Variants in FRMD6 observed in about 807,000 individuals in gnomAD.
The protein encoded by FRMD6 is FERM domain-containing protein 6.
A neutral mutation model predicts 73.2 loss-of-function variants in FRMD6; 37 were observed. That is an observed-to-expected ratio of 0.51 (90% CI 0.39 to 0.66). FRMD6 has a LOEUF of 0.66. FRMD6 is among the 30% of genes least tolerant of loss of function. The pLI is 0.00. For missense variants in FRMD6, 714 were observed against 780.5 expected, an observed-to-expected ratio of 0.91 and a Z score of 1.02; for synonymous variants, 273 against 282.2, an observed-to-expected ratio of 0.97 and a Z score of 0.33.
chr14:51,645,547 A>G (rs567397682), intron 2 of FRMD6, among the ~76,000 whole-genome samples: 22 of 152,252 alleles, frequency 1.4e-4, no homozygotes, highest in Middle Eastern at 3.4e-3. Context: ...CTCCACCTCA[A>G]GTGAACCTCC....
chr14:51,425,030 T>G, the FRMD6 span, among the ~76,000 whole-genome samples: 1 of 152,190 alleles, frequency 6.6e-6, no homozygotes. Flanking sequence ...TTCCGGGTCA[T>G]GGTTCTTTAC....
intron 1 of FRMD6, among the ~76,000 whole-genome samples, chr14:51,513,139 G>A (rs1178389006): frequency 6.6e-6 from 1 of 152,154 alleles, no homozygotes; most frequent in East Asian, 1.9e-4. Flanking sequence ...ATCTACATCA[G>A]AATCACAGGA....
chr14:51,662,332 G>C (rs1479378602), intron 1 of FRMD6, among the ~76,000 whole-genome samples: 1 of 151,858 alleles, frequency 6.6e-6, no homozygotes, highest in African/African-American at 2.4e-5. Flanking sequence ...AAAAAAAAGA[G>C]CTTGAATAGC....
intron 2 of FRMD6, among the ~76,000 whole-genome samples, chr14:51,596,178 C>T (rs1351398016): frequency 6.6e-6 from 1 of 152,038 alleles, no homozygotes; most frequent in Non-Finnish European, 1.5e-5. Flanking sequence ...CAGTAATTCT[C>T]AACCCATGCT....
chr14:51,615,552 C>T (rs988913756), intron 2 of FRMD6, among the ~76,000 whole-genome samples: 3 of 152,152 alleles, frequency 2.0e-5, no homozygotes, highest in Non-Finnish European at 4.4e-5. Context: ...TCACTCACAG[C>T]CAGTTAGACC....
intron 1 of FRMD6, among the ~76,000 whole-genome samples, chr14:51,530,213 C>A (rs1034392555): frequency 6.6e-6 from 1 of 152,204 alleles, no homozygotes; most frequent in Admixed American, 6.5e-5. Context: ...TCGATTCTGT[C>A]TGTATGGTGG....
intron 1 of FRMD6, among the ~76,000 whole-genome samples, chr14:51,664,538 T>C (rs1463523190): frequency 6.6e-6 from 1 of 152,218 alleles, no homozygotes; most frequent in Non-Finnish European, 1.5e-5. Flanking sequence ...TCAGAGTGGT[T>C]GGTAGAATGA....
the FRMD6 span, among the ~76,000 whole-genome samples, chr14:51,428,073 G>A: frequency 6.6e-6 from 1 of 152,160 alleles, no homozygotes; most frequent in African/African-American, 2.4e-5. Context: ...TGGGCTGTGG[G>A]AAGAATCTAC....
At chr14:51,596,107 C>A (rs1889699861) in intron 2 of FRMD6, among the ~76,000 whole-genome samples, 1 of 152,178 alleles carries the variant, frequency 6.6e-6, no homozygotes, top group South Asian at 2.1e-4. Context: ...TAAAAAGCAG[C>A]AACAGCAAAA....
At chr14:51,555,132 TC>T (rs746114518) in intron 1 of FRMD6, among the ~76,000 whole-genome samples, 1 of 152,186 alleles carries the variant, frequency 6.6e-6, no homozygotes, top group Non-Finnish European at 1.5e-5. Flanking sequence ...AAAACAGGCA[TC>T]ATTTTACCAA....
chr14:51,467,174 G>C, the FRMD6 span, among the ~76,000 whole-genome samples: 11 of 152,254 alleles, frequency 7.2e-5, no homozygotes, highest in East Asian at 9.7e-4. Flanking sequence ...TGACTCTTAA[G>C]GAGCATGCTG....
At chr14:51,415,470 T>C in the FRMD6 span, among the ~76,000 whole-genome samples, 1 of 152,248 alleles carries the variant, frequency 6.6e-6, no homozygotes, top group African/African-American at 2.4e-5. Flanking sequence ...GATTTGCATA[T>C]GTTGAACCAG....
chr14:51,695,169 C>T (rs1566572203), intron 2 of FRMD6, among the ~76,000 whole-genome samples: 1 of 148,460 alleles, frequency 6.7e-6, no homozygotes, highest in Non-Finnish European at 1.5e-5. Flanking sequence ...TTGTACCCAA[C>T]GTTTTTAAAT....
the FRMD6 span, among the ~76,000 whole-genome samples, chr14:51,442,643 C>T: frequency 6.6e-6 from 1 of 152,288 alleles, no homozygotes; most frequent in Admixed American, 6.5e-5. Context: ...AGGGCAGAAA[C>T]TATGCCTTTT....
At chr14:51,455,525 T>A in the FRMD6 span, among the ~76,000 whole-genome samples, 2 of 152,252 alleles carry the variant, frequency 1.3e-5, no homozygotes, top group Non-Finnish European at 2.9e-5. Flanking sequence ...AAATATATAG[T>A]TGTCAGTGTT....
At chr14:51,432,378 T>A in the FRMD6 span, among the ~76,000 whole-genome samples, 3 of 152,298 alleles carry the variant, frequency 2.0e-5, no homozygotes, top group Middle Eastern at 3.4e-3. Context: ...TTAATTCAAC[T>A]GAAACTCAGG....
chr14:51,586,536 T>G (rs1383121112), intron 2 of FRMD6, among the ~76,000 whole-genome samples: 1 of 152,166 alleles, frequency 6.6e-6, no homozygotes, highest in Non-Finnish European at 1.5e-5. Context: ...CCGTCTACTC[T>G]CTTGATTGTT....
chr14:51,629,539 CTT>C (rs1423723614), intron 2 of FRMD6, among the ~76,000 whole-genome samples: 1 of 152,194 alleles, frequency 6.6e-6, no homozygotes, highest in East Asian at 1.9e-4. Context: ...TTGTCTGTCT[CTT>C]TAATTATACT....
At chr14:51,709,132 G>T (rs1224963670) in intron 7 of FRMD6, among the ~76,000 whole-genome samples, 1 of 152,052 alleles carries the variant, frequency 6.6e-6, no homozygotes, top group Non-Finnish European at 1.5e-5. Flanking sequence ...GTATTCAAAG[G>T]TGTATTCTCA....
Sources: gnomAD v4.1 joint callset for allele counts (sites outside exome capture counted in the v4.1 genomes callset) on GRCh38, gnomAD v4.1.1 for gene constraint, MANE v1.5 for transcripts, NCBI Gene and HGNC (gene_info 2026-07-23, HGNC 2026-07-21) for gene names.